Variants in DSCC1 observed in about 807,000 individuals in gnomAD.
DSCC1 encodes the protein DNA replication and sister chromatid cohesion 1, also known as sister chromatid cohesion protein DCC1.
Under a neutral mutation model 48.2 loss-of-function variants are expected in DSCC1, and 32 were observed. The ratio of observed to expected loss-of-function variants is 0.66; its 90% CI spans 0.50 to 0.89. DSCC1 has a LOEUF of 0.89. Among genes scored for constraint, DSCC1 ranks in the 40% least tolerant of loss-of-function variants. The probability of loss-of-function intolerance (pLI) is 0.00; values close to 1 mark genes in which losing one functional copy is unlikely to be tolerated. For missense variants in DSCC1, 421 were observed against 471.7 expected, an observed-to-expected ratio of 0.89 and a Z score of 1.00; for synonymous variants, 150 against 171.5, an observed-to-expected ratio of 0.87 and a Z score of 0.98.
chr8:119,849,847 A>T (rs1826919143), intron 3 of DSCC1, among the ~76,000 whole-genome samples: 1 of 152,210 alleles, frequency 6.6e-6, no homozygotes, highest in African/African-American at 2.4e-5. Context: ...CATGGTCTTC[A>T]TATACCAGTA....
At chr8:119,835,080 C>T (rs1461193283) in intron 8 of DSCC1, 79 bp from the exon 9 acceptor site, 1 of 916,276 alleles carries the variant, frequency 1.1e-6, no homozygotes, top group African/African-American at 1.7e-5. Context: ...CTTATTTTCT[C>T]TCTCTCCCCC....
At chr8:119,846,668 C>T (rs1489419891) in intron 4 of DSCC1, among the ~76,000 whole-genome samples, 4 of 80,552 alleles carry the variant, frequency 5.0e-5, no homozygotes, top group Non-Finnish European at 9.3e-5. Flanking sequence ...AAGCAACTCT[C>T]GTACCTCAGC....
chr8:119,842,818 C>T lies in DSCC1; in HGVS notation c.727G>A (p.Glu243Lys), dbSNP rs759727813. The T allele has an allele frequency of 3.8e-5, 61 of 1,594,480 alleles. No homozygotes were observed. Among genetic ancestry groups the T allele is most frequent in the Non-Finnish European group, 3.7e-5 (43 of 1,173,268 alleles). ...TTCCCATAACATTTAAGACAGTGTTCTATCATTTCCCTGAAAAATTTAAAA... is the reference window on the plus strand; with the variant it reads ...TTCCCATAACATTTAAGACAGTGTTTTATCATTTCCCTGAAAAATTTAAAA... Reference protein sequence around the residue: ...LGPLEPEEMIEHCLKCYGKKY... With the variant: ...LGPLEPEEMIKHCLKCYGKKY... Residue 243 changes from glutamate to lysine, a missense_variant, in exon 6 of 9, where the codon GAA becomes AAA. Around this residue, in one of 3 missense-constraint regions of DSCC1, gnomAD observed 238 missense variants for 259.0 expected, o/e 0.92. Transcript: ENST00000313655.
At chr8:119,836,964 A>G (rs981514161) in intron 8 of DSCC1, among the ~76,000 whole-genome samples, 1 of 152,182 alleles carries the variant, frequency 6.6e-6, no homozygotes, top group African/African-American at 2.4e-5. Flanking sequence ...AAATAGTGCT[A>G]AGTCAAGTAA....
chr8:119,854,583 A>G (rs1340414692), intron 1 of DSCC1, among the ~76,000 whole-genome samples: 1 of 152,190 alleles, frequency 6.6e-6, no homozygotes, highest in African/African-American at 2.4e-5. Context: ...TATTTTGTTT[A>G]TACCATCACT....
intron 5 of DSCC1, 66 bp from the exon 6 acceptor site, chr8:119,842,894 T>A: frequency 1.5e-6 from 2 of 1,298,564 alleles, no homozygotes; most frequent in Non-Finnish European, 2.1e-6. Context: ...TTTAACCCCA[T>A]TGCCAACTCA....
chr8:119,842,337 A>G (rs1175576101), intron 6 of DSCC1, among the ~76,000 whole-genome samples: 1 of 151,172 alleles, frequency 6.6e-6, no homozygotes, highest in Non-Finnish European at 1.5e-5. Flanking sequence ...TGGCCTCCCA[A>G]AGTGCTGGGG....
At chr8:119,846,880 C>G (rs1173673991) in intron 4 of DSCC1, 110 bp downstream of exon 4, 1 of 1,071,594 alleles carries the variant, frequency 9.3e-7, no homozygotes, top group African/African-American at 1.6e-5. Flanking sequence ...ATCCTTAAAC[C>G]CAAAAGAATA....
chr8:119,846,512 T>G (rs1205963686), intron 4 of DSCC1, among the ~76,000 whole-genome samples: 1 of 152,184 alleles, frequency 6.6e-6, no homozygotes, highest in Non-Finnish European at 1.5e-5. Context: ...CAGATTGACC[T>G]CATGTAAAGA....
chr8:119,852,850 A>G (rs543599229), intron 2 of DSCC1, 197 bp downstream of exon 2: 1 of 460,604 alleles, frequency 2.2e-6, no homozygotes, highest in African/African-American at 2.0e-5. Flanking sequence ...AAACAGGAAA[A>G]AACAGACAAG....
At chr8:119,854,307 C>T (rs1289970130) in intron 1 of DSCC1, among the ~76,000 whole-genome samples, 1 of 152,130 alleles carries the variant, frequency 6.6e-6, no homozygotes, top group African/African-American at 2.4e-5. Context: ...GGATTAAAGA[C>T]AAAGATGATG....
At chr8:119,845,182 T>C (rs1201055328) in intron 4 of DSCC1, among the ~76,000 whole-genome samples, 1 of 151,848 alleles carries the variant, frequency 6.6e-6, no homozygotes, top group Non-Finnish European at 1.5e-5. Flanking sequence ...ACCTCCCGGG[T>C]TCAAATGATT....
At position 119,841,006 on chromosome 8, in the gene DSCC1, T is replaced by TA. The variant is rs1826760101; in HGVS notation, c.924+787_924+788insT. 2.6e-5 allele frequency among the ~76,000 whole-genome samples: 4 copies of TA among 151,912 alleles called. No individual in the cohort carries two copies. The East Asian group carries it at 7.8e-4, about 29-fold the overall frequency. On this transcript the variant is annotated intron_variant, in intron 7 of 8. Coordinates refer to ENST00000313655, the MANE Select transcript of DSCC1 (RefSeq NM_024094.3). Reference sequence around the variant, plus strand: ...ATTTATTTATTATTATTATTATTATTTTTGAGACAGAGTCTTGCTCTGTCG... The same window carrying TA: ...ATTTATTTATTATTATTATTATTATTATTTGAGACAGAGTCTTGCTCTGTCG...
chr8:119,836,228 C>T (rs7833706), intron 8 of DSCC1, among the ~76,000 whole-genome samples: 1 of 151,956 alleles, frequency 6.6e-6, no homozygotes, highest in Non-Finnish European at 1.5e-5. Context: ...CAGGAGAATC[C>T]CTTAAACTCG....
chr8:119,846,913 G>A (rs1330169607), intron 4 of DSCC1, 77 bp downstream of exon 4: 1 of 1,276,864 alleles, frequency 7.8e-7, no homozygotes, highest in African/African-American at 1.5e-5. Context: ...TACGCAGTAG[G>A]GTGAAGATGT....
chr8:119,851,114 A>G (rs560797183), intron 2 of DSCC1, among the ~76,000 whole-genome samples: 8 of 152,334 alleles, frequency 5.3e-5, no homozygotes, highest in Non-Finnish European at 7.3e-5. Context: ...GAATGGATGA[A>G]TATCTGTTAT....
rs762593634 is a variant in DSCC1, at chr8:119,853,061, T to C, written c.337A>G (p.Ile113Val). 16 of 1,612,956 alleles carry C rather than the reference T, an allele frequency of 9.9e-6. No individual in the cohort carries two copies. The highest frequency in any genetic ancestry group is 1.4e-5 in the Non-Finnish European group (16 of 1,179,216). The change falls in exon 2 of 9, where the codon ATT (isoleucine) becomes GTT (valine). Residue 113 changes from isoleucine to valine, a missense_variant. Around this residue, in one of 3 missense-constraint regions of DSCC1, gnomAD observed 174 missense variants for 184.5 expected, o/e 0.94. Transcript: ENST00000313655. ...GAAAAGAGCACCTCAGTGTGAATAA[T>C]GTTACAGTGTGAATCTTCCTTCTTC... is the stretch of plus-strand genomic sequence containing the variant. ...QLKKEDSHCN[I>V]IHTEIFGFSN...
rs942943533 is a variant in DSCC1, at chr8:119,855,872, G to A, written c.-77C>T. 45 of 1,391,204 alleles carry A rather than the reference G, an allele frequency of 3.2e-5. No homozygotes were observed. The highest frequency in any genetic ancestry group is 2.7e-4 in the Admixed American group (8 of 30,114). 86.2% of individuals were successfully genotyped at this position (1,391,204 alleles called of 1,614,324 possible). Reference sequence around the variant, plus strand: ...CGGGCAAGAAAGAAGTTCCCAAGCAGCCGGAAGGTAGGAAACCTGAGCGTT... The same window carrying A: ...CGGGCAAGAAAGAAGTTCCCAAGCAACCGGAAGGTAGGAAACCTGAGCGTT... On this transcript the variant is annotated 5_prime_UTR_variant, in exon 1 of 9. Transcript: ENST00000313655.
At chr8:119,838,523 T>A (rs1457030431) in intron 7 of DSCC1, 116 bp from the exon 8 acceptor site, 28 of 1,267,328 alleles carry the variant, frequency 2.2e-5, no homozygotes, top group Non-Finnish European at 2.8e-5. Context: ...GTCAGCTACA[T>A]GAAACTTAAA....
Sources: gnomAD v4.1 joint callset for allele counts (sites outside exome capture counted in the v4.1 genomes callset) on GRCh38, gnomAD v4.1.1 for gene constraint, gnomAD v4.1.1 regional missense constraint, MANE v1.5 for transcripts, NCBI Gene and HGNC (gene_info 2026-07-23, HGNC 2026-07-21) for gene names.